CHAF1A: variants seen among roughly 807,000 people sequenced by gnomAD.
The protein encoded by CHAF1A is CAF-1 subunit A.
Under a neutral mutation model 93.2 loss-of-function variants are expected in CHAF1A, and 5 were observed. The observed-to-expected ratio is 0.05, with a 90% CI of 0.03 to 0.11. CHAF1A has a LOEUF of 0.11. Ranked by LOEUF, CHAF1A falls within the 10% of genes least tolerant of loss-of-function variation. The pLI, the probability that CHAF1A is intolerant of heterozygous loss-of-function variation, is 1.00. For missense variants in CHAF1A, 1,102 were observed against 1,259.9 expected (o/e 0.87, Z 1.90); for synonymous variants, 504 against 510.3 (o/e 0.99, Z 0.17).
At position 4,433,967 on chromosome 19, in the gene CHAF1A, G is replaced by T. The variant is rs1175396234; in HGVS notation, c.2673+428G>T. Among the ~76,000 whole-genome samples, 1 of 152,052 alleles carries T rather than the reference G, an allele frequency of 6.6e-6. No homozygotes were observed. Among genetic ancestry groups the T allele is most frequent in the Non-Finnish European group, 1.5e-5 (1 of 68,030 alleles). Reference sequence around the variant, plus strand: ...GGGTCACAGCAAAATCGATTGGAAGGTACAGAAAGTTCCCATACACCTCCT... The same window carrying T: ...GGGTCACAGCAAAATCGATTGGAAGTTACAGAAAGTTCCCATACACCTCCT... On this transcript the variant is annotated intron_variant, in intron 13 of 14. Transcript: ENST00000301280. The surrounding 1 kb of genome is among the most constrained non-coding windows in gnomAD (Gnocchi z 5.6).
chr19:4,435,038 C>T (rs2145138153), intron 13 of CHAF1A, among the ~76,000 whole-genome samples: 1 of 151,418 alleles, frequency 6.6e-6, no homozygotes, highest in South Asian at 2.1e-4. Flanking sequence ...TACTTTTTGT[C>T]CTTACCACAC....
chr19:4,448,253 C>T (rs1974580175), downstream of CHAF1A: 4 of 1,434,384 alleles, frequency 2.8e-6, no homozygotes, highest in East Asian at 9.8e-5. Flanking sequence ...GGGTGACAGC[C>T]CCAGTGGGAG....
chr19:4,442,230 A>G lies in CHAF1A; in HGVS notation c.2674-15A>G. On this transcript the variant is annotated splice_polypyrimidine_tract_variant and intron_variant, in intron 13 of 14. Transcript: ENST00000301280. ...CTGCCTGCAGTGCTGATGGCCGTGT[A>G]CCCTGTCTGTCCAGATTGGTGCTGA... 5 of 1,612,586 alleles carry G rather than the reference A, an allele frequency of 3.1e-6. No homozygotes were observed. The highest frequency in any genetic ancestry group is 4.2e-6 in the Non-Finnish European group (5 of 1,178,752).
intron 13 of CHAF1A, among the ~76,000 whole-genome samples, chr19:4,441,735 C>G (rs1161384534): frequency 1.3e-5 from 2 of 151,870 alleles, no homozygotes; most frequent in Non-Finnish European, 2.9e-5. Context: ...GAAACCCCGT[C>G]TCTACTAAAA....
intron 7 of CHAF1A, among the ~76,000 whole-genome samples, chr19:4,424,198 C>T (rs1285577269): frequency 6.6e-6 from 1 of 152,198 alleles, no homozygotes; most frequent in East Asian, 1.9e-4. Context: ...GCACGTTTAG[C>T]TGTAAAACAA....
downstream of CHAF1A, chr19:4,446,861 C>T (rs1974542293): frequency 3.1e-6 from 5 of 1,613,982 alleles, no homozygotes; most frequent in South Asian, 2.2e-5. Flanking sequence ...GAAGCAACAC[C>T]TTCTGGAACC....
At chr19:4,443,677 G>A (rs565999471), downstream of CHAF1A, among the ~76,000 whole-genome samples, 20 of 152,296 alleles carry the variant, frequency 1.3e-4, no homozygotes, top group Admixed American at 2.0e-4. Flanking sequence ...CCCTGAACCC[G>A]GAGCTGCTGG....
chr19:4,433,593 G>C lies in CHAF1A; in HGVS notation c.2673+54G>C. The C allele has an allele frequency of 7.3e-7, 1 of 1,376,670 alleles. No homozygotes were observed. The highest frequency in any genetic ancestry group is 9.8e-7 in the Non-Finnish European group (1 of 1,015,492). The allele number at this position is 1,376,670 out of a possible 1,614,324, so 85.3% of individuals were successfully genotyped here. ...CTGCAGGGCTTTTCTTTTTTTGTTT[G>C]TTTTTTGTTGTTTTGTTTTTTTTTC... On this transcript the variant is annotated intron_variant, in intron 13 of 14. Coordinates refer to ENST00000301280, the MANE Select transcript of CHAF1A (RefSeq NM_005483.3). The surrounding 1 kb of genome is among the most constrained non-coding windows in gnomAD (Gnocchi z 5.6).
chr19:4,414,768 A>G (rs1411771128), intron 3 of CHAF1A, among the ~76,000 whole-genome samples: 3 of 152,150 alleles, frequency 2.0e-5, no homozygotes, highest in Non-Finnish European at 2.9e-5. Context: ...TCCTTCTACA[A>G]GTGGCCTTGG....
intron 12 of CHAF1A, 110 bp downstream of exon 12, chr19:4,432,317 C>A: frequency 2.4e-6 from 3 of 1,265,576 alleles, no homozygotes; most frequent in Non-Finnish European, 3.2e-6. Context: ...GTTCTTTCCA[C>A]AAATAACAGA....
Position 4,442,927 on chromosome 19 carries a change from G to A in CHAF1A, c.2773G>A (p.Val925Ile). 6.3e-7 allele frequency: 1 copy of A among 1,588,938 alleles called. No individual in the cohort carries two copies. The change falls in exon 15 of 15, where the codon GTC (valine) becomes ATC (isoleucine). Residue 925 changes from valine (V) to isoleucine (I), a missense_variant and splice_region_variant. Around this residue, in one of 6 missense-constraint regions of CHAF1A, gnomAD observed 119 missense variants for 102.2 expected, o/e 1.16. Coordinates refer to ENST00000301280, the MANE Select transcript of CHAF1A (RefSeq NM_005483.3). ...ACCCTCCCTCTCTTGCCCTGCAGAG[G>A]TCCAAGCCCCGTGTGGAGCCGCTTC... is the stretch of plus-strand genomic sequence containing the variant. ...MIVDVPDAAE[V>I]QAPCGAASGA...
intron 4 of CHAF1A, among the ~76,000 whole-genome samples, chr19:4,418,693 G>A (rs1026445859): frequency 6.6e-6 from 1 of 152,122 alleles, no homozygotes; most frequent in African/African-American, 2.4e-5. Context: ...GGGATTACAG[G>A]TGTGAGCCGC....
intron 4 of CHAF1A, among the ~76,000 whole-genome samples, chr19:4,418,647 C>T (rs1009671493): frequency 5.3e-5 from 8 of 152,138 alleles, no homozygotes; most frequent in Non-Finnish European, 1.2e-4. Flanking sequence ...GATCTCCTGA[C>T]CTCGTGATCC....
At chr19:4,444,268 C>T (rs961864371), downstream of CHAF1A, among the ~76,000 whole-genome samples, 5 of 152,168 alleles carry the variant, frequency 3.3e-5, no homozygotes, top group African/African-American at 1.2e-4. Context: ...GGGCACCTCC[C>T]CCAGGTGCAG....
At position 4,433,533 on chromosome 19, in the gene CHAF1A, C is replaced by T. The variant is rs371881704; in HGVS notation, c.2667C>T (p.Asp889=). The change falls in exon 13 of 15, where the codon GAC becomes GAT. Residue 889 remains aspartate, a synonymous_variant. Coordinates refer to ENST00000301280, the MANE Select transcript of CHAF1A (RefSeq NM_005483.3). This position sits in a 1 kb window ranked among gnomAD's most constrained non-coding sequence, Gnocchi z 5.6. ...ITQFMKKRRH[D]GQIGAEDMDG... ...AATTCATGAAGAAGCGCAGGCACGACGGCCAGGTGAGGTGGGGTGGGCAGG... is the reference window on the plus strand; with the variant it reads ...AATTCATGAAGAAGCGCAGGCACGATGGCCAGGTGAGGTGGGGTGGGCAGG... 74 of 1,572,924 alleles carry T rather than the reference C, an allele frequency of 4.7e-5. No individual in the cohort carries two copies. In the East Asian group the frequency reaches 5.0e-4, roughly 11 times the overall value.
the CHAF1A span, chr19:4,450,212 ACT>A: frequency 7.3e-6 from 1 of 137,632 alleles, no homozygotes; most frequent in Non-Finnish European, 1.5e-5. Flanking sequence ...TGACAGCAAG[ACT>A]CTGTCTCAAA....
At chr19:4,447,408 G>T (rs1974557074), downstream of CHAF1A, 1 of 853,632 alleles carries the variant, frequency 1.2e-6, no homozygotes, top group Non-Finnish European at 1.9e-6. Context: ...ACCTTCTACT[G>T]GCCGAACCCT....
downstream of CHAF1A, chr19:4,446,117 CA>C: frequency 6.2e-7 from 1 of 1,612,588 alleles, no homozygotes. Flanking sequence ...GCCAGCAGCT[CA>C]AAAGGCAGCC....
chr19:4,447,672 C>T (rs760009900), downstream of CHAF1A: 11 of 1,598,400 alleles, frequency 6.9e-6, no homozygotes, highest in Non-Finnish European at 9.4e-6. Flanking sequence ...AGGCTGCCCA[C>T]CCGGCCCCTC....
Sources: gnomAD v4.1 joint callset for allele counts (sites outside exome capture counted in the v4.1 genomes callset) on GRCh38, gnomAD v4.1.1 for gene constraint, gnomAD v4.1.1 regional missense constraint, Gnocchi (gnomAD v3.1) non-coding constraint, MANE v1.5 for transcripts, NCBI Gene and HGNC (gene_info 2026-07-23, HGNC 2026-07-21) for gene names.